The following MMP26 variants were observed in gnomAD, a reference collection of about 807,000 sequenced individuals.
MMP26 encodes matrix metalloproteinase-26.
In MMP26, 33 loss-of-function variants were observed where a neutral mutation model predicts 31.0. That is an observed-to-expected ratio of 1.06 (90% confidence interval 0.81 to 1.42). MMP26 has a LOEUF of 1.42. Among genes scored for constraint, MMP26 ranks in the 40% most tolerant of loss-of-function variants. The pLI is 0.00. For missense variants in MMP26, 347 were observed against 316.1 expected (o/e 1.10, Z -0.74); for synonymous variants, 122 against 114.9 (o/e 1.06, Z -0.40).
chr11:4,892,372 C>A (rs969340457), intron 2 of MMP26, among the ~76,000 whole-genome samples: 1 of 152,148 alleles, frequency 6.6e-6, no homozygotes, highest in Non-Finnish European at 1.5e-5. Flanking sequence ...CCCTTAAAGT[C>A]TTCCCTTCTA....
intron 1 of MMP26, among the ~76,000 whole-genome samples, chr11:4,705,927 A>C (rs1847769781): frequency 8.8e-6 from 1 of 114,064 alleles, no homozygotes; most frequent in South Asian, 3.0e-4. Context: ...GGAGTAGGTG[A>C]TTGTGCCATT....
intron 2 of MMP26, among the ~76,000 whole-genome samples, chr11:4,887,274 C>T (rs1850557748): frequency 6.6e-6 from 1 of 151,892 alleles, no homozygotes; most frequent in Admixed American, 6.6e-5. Flanking sequence ...ACTCTTATAT[C>T]TCTGTTTTTA....
intron 1 of MMP26, among the ~76,000 whole-genome samples, chr11:4,746,831 T>A (rs1256512864): frequency 7.3e-6 from 1 of 137,116 alleles, no homozygotes; most frequent in Non-Finnish European, 1.6e-5. Context: ...TAAGTCTCTG[T>A]CACACACACA....
chr11:4,826,384 G>C (rs1465040959), intron 2 of MMP26, among the ~76,000 whole-genome samples: 1 of 152,070 alleles, frequency 6.6e-6, no homozygotes, highest in Non-Finnish European at 1.5e-5. Context: ...CCCCTGATGT[G>C]CACACAGATA....
chr11:4,927,321 A>C (rs1279454352), intron 2 of MMP26, among the ~76,000 whole-genome samples: 1 of 152,176 alleles, frequency 6.6e-6, no homozygotes, highest in East Asian at 1.9e-4. Flanking sequence ...TCTGATTGTC[A>C]TGATACAATT....
At chr11:4,817,657 C>T (rs1849439851) in intron 2 of MMP26, among the ~76,000 whole-genome samples, 1 of 152,086 alleles carries the variant, frequency 6.6e-6, no homozygotes, top group Non-Finnish European at 1.5e-5. Flanking sequence ...GAAAAAATAA[C>T]ATTTATATTC....
chr11:4,815,967 C>T (rs1589909416), intron 2 of MMP26, among the ~76,000 whole-genome samples: 1 of 152,284 alleles, frequency 6.6e-6, no homozygotes, highest in South Asian at 2.1e-4. Context: ...CAACAAATAA[C>T]TATAATTTGA....
intron 2 of MMP26, among the ~76,000 whole-genome samples, chr11:4,797,170 T>C (rs1849118716): frequency 6.6e-6 from 1 of 152,136 alleles, no homozygotes; most frequent in Non-Finnish European, 1.5e-5. Flanking sequence ...AAAAAACTCA[T>C]AATCAGTTGA....
At chr11:4,758,882 C>T (rs946993544) in intron 1 of MMP26, among the ~76,000 whole-genome samples, 5 of 151,774 alleles carry the variant, frequency 3.3e-5, no homozygotes, top group Admixed American at 2.0e-4. Context: ...GAAGACGAGG[C>T]GGGCAGATCA....
At chr11:4,886,612 G>T (rs747286778) in intron 2 of MMP26, among the ~76,000 whole-genome samples, 1 of 150,896 alleles carries the variant, frequency 6.6e-6, no homozygotes, top group African/African-American at 2.4e-5. Context: ...TATATCTTTG[G>T]TTCCACCCTC....
In MMP26 at chr11:4,848,628, C is replaced by A. The variant is rs745906078; in HGVS notation, c.-145+81287C>A. ...ACCCCAAGCTTCTGGGCAGGCCAAA[C>A]GAGCCACATCTGGATGCAAGCAATA... is the stretch of plus-strand genomic sequence containing the variant. On this transcript the variant is annotated intron_variant, in intron 2 of 7. Coordinates refer to ENST00000380390, the MANE Select transcript of MMP26 (RefSeq NM_021801.5). The A allele has an allele frequency of 3.7e-6, 6 of 1,608,024 alleles. No homozygotes were observed. In the East Asian group the frequency reaches 8.9e-5, roughly 24 times the overall value.
At chr11:4,933,941 T>G (rs1851392127) in intron 2 of MMP26, among the ~76,000 whole-genome samples, 2 of 148,046 alleles carry the variant, frequency 1.4e-5, no homozygotes, top group South Asian at 2.2e-4. Context: ...CCATGGTGTA[T>G]ATGTGCCACA....
rs966608687 is a variant in MMP26 at position 4,952,050 on chromosome 11, A to C, written c.-144-36018A>C. Among the ~76,000 whole-genome samples the C allele has an allele frequency of 2.4e-5, 3 of 124,362 alleles. 1 individual carries two copies. Among genetic ancestry groups the C allele is most frequent in the Non-Finnish European group, 5.5e-5 (3 of 54,980 alleles). 81.6% of individuals were successfully genotyped at this position (124,362 alleles called of 152,430 possible). A position where few individuals can be genotyped will look rare whatever the true frequency, so the allele number is the denominator to read the frequency against. The stretch of plus-strand genomic sequence containing the variant: ...GTCTGCTGTTATGATATTTTACCTC[A>C]GAATGTTTACGTTTCTTTAAGATAA... On this transcript the variant is annotated intron_variant, in intron 2 of 7. Transcript: ENST00000380390.
At chr11:4,965,958 T>C (rs1268920422) in intron 2 of MMP26, among the ~76,000 whole-genome samples, 1 of 152,186 alleles carries the variant, frequency 6.6e-6, no homozygotes, top group Non-Finnish European at 1.5e-5. Flanking sequence ...ATAAATTACA[T>C]GAGAACATCT....
intron 1 of MMP26, among the ~76,000 whole-genome samples, chr11:4,753,224 C>T (rs1248248114): frequency 2.0e-5 from 3 of 152,034 alleles, no homozygotes; most frequent in African/African-American, 4.8e-5. Flanking sequence ...CGAATAGTAA[C>T]CATTATTCTG....
At chr11:4,882,418 T>A (rs759121735) in intron 2 of MMP26, 2 of 1,613,804 alleles carry the variant, frequency 1.2e-6, no homozygotes, top group East Asian at 4.5e-5. Flanking sequence ...TTCATGGGGG[T>A]CACGAGCTTT....
At chr11:4,851,228 A>G (rs1233085753) in intron 2 of MMP26, among the ~76,000 whole-genome samples, 1 of 152,174 alleles carries the variant, frequency 6.6e-6, no homozygotes, top group Non-Finnish European at 1.5e-5. Context: ...CAGCTCTATC[A>G]ACAGTGGTCA....
intron 2 of MMP26, among the ~76,000 whole-genome samples, chr11:4,776,188 G>A (rs1246264362): frequency 2.0e-5 from 3 of 151,980 alleles, no homozygotes; most frequent in African/African-American, 7.3e-5. Flanking sequence ...TCTTAATCTA[G>A]TCATTCTTTG....
chr11:4,956,430 T>C (rs1250881853), intron 2 of MMP26, among the ~76,000 whole-genome samples: 1 of 152,188 alleles, frequency 6.6e-6, no homozygotes, highest in Non-Finnish European at 1.5e-5. Flanking sequence ...TAAAACAACA[T>C]CTAGTAACAC....
Sources: allele counts gnomAD v4.1 joint callset (sites outside exome capture counted in the v4.1 genomes callset), GRCh38; gene constraint gnomAD v4.1.1; transcripts MANE v1.5; gene names NCBI Gene and HGNC (gene_info 2026-07-23, HGNC 2026-07-21).